Variants in SERTM1 observed in about 807,000 individuals in gnomAD.
SERTM1 encodes serine rich and transmembrane domain containing 1.
In SERTM1, 1 loss-of-function variant was observed where a neutral mutation model predicts 5.5. That is an observed-to-expected ratio of 0.18 (90% CI 0.06 to 0.86). The LOEUF is 0.86. Ranked by LOEUF, SERTM1 falls within the 40% of genes least tolerant of loss-of-function variation. SERTM1 has a pLI of 0.69. For missense variants in SERTM1, 91 were observed against 122.4 expected, an observed-to-expected ratio of 0.74 and a Z score of 1.21; for synonymous variants, 52 against 55.1, an observed-to-expected ratio of 0.94 and a Z score of 0.25.
intron 1 of SERTM1, among the ~76,000 whole-genome samples, chr13:36,678,951 T>G (rs776762884): frequency 1.3e-5 from 2 of 152,114 alleles, no homozygotes; most frequent in Admixed American, 6.5e-5. Context: ...AAATAGTTCA[T>G]GCAACAAGCA....
intron 1 of SERTM1, among the ~76,000 whole-genome samples, chr13:36,678,338 G>A (rs750071150): frequency 2.0e-5 from 3 of 152,042 alleles, no homozygotes; most frequent in Non-Finnish European, 4.4e-5. Flanking sequence ...AAATATATGT[G>A]TGTATAATAG....
chr13:36,682,822 T>A (rs1365222966), intron 1 of SERTM1, among the ~76,000 whole-genome samples: 1 of 152,220 alleles, frequency 6.6e-6, no homozygotes, highest in African/African-American at 2.4e-5. Context: ...CCCCTTCCTG[T>A]ACATTGTTAA....
chr13:36,677,809 C>A (rs1423562283), intron 1 of SERTM1, among the ~76,000 whole-genome samples: 1 of 152,116 alleles, frequency 6.6e-6, no homozygotes, highest in Non-Finnish European at 1.5e-5. Flanking sequence ...CTGGCTTGGT[C>A]CTTATTCACC....
chr13:36,681,835 G>A (rs2056707126), intron 1 of SERTM1, among the ~76,000 whole-genome samples: 1 of 152,140 alleles, frequency 6.6e-6, no homozygotes, highest in Admixed American at 6.5e-5. Context: ...CAACCCTCCA[G>A]CTTGTTCACA....
At chr13:36,674,867 A>G (rs2056660160) in intron 1 of SERTM1, among the ~76,000 whole-genome samples, 1 of 152,102 alleles carries the variant, frequency 6.6e-6, no homozygotes, top group Admixed American at 6.5e-5. Context: ...CCGGAAACCC[A>G]GTAGGTAACT....
intron 1 of SERTM1, among the ~76,000 whole-genome samples, chr13:36,678,467 T>A (rs1285939157): frequency 6.6e-6 from 1 of 151,084 alleles, no homozygotes. Context: ...GAAAATACGG[T>A]CCTTTTTCAC....
At chr13:36,686,940 C>G (rs2056745353) in intron 1 of SERTM1, among the ~76,000 whole-genome samples, 1 of 152,162 alleles carries the variant, frequency 6.6e-6, no homozygotes, top group Non-Finnish European at 1.5e-5. Flanking sequence ...AAAACTTAGC[C>G]TGCCTAAGCT....
chr13:36,692,846 CTT>C (rs902093032), intron 1 of SERTM1, among the ~76,000 whole-genome samples: 2 of 152,212 alleles, frequency 1.3e-5, no homozygotes, highest in Non-Finnish European at 2.9e-5. Context: ...ATTCTAGTCA[CTT>C]TTCTGTCACT....
rs1218597738 is a variant in SERTM1 at position 36,696,646 on chromosome 13, C to T, written c.*1244C>T. ...GGGGCTGTCTGTGAAATTAGGCACA[C>T]ATGTGAGCTCAGACATGGAATGTGG... On this transcript the variant is annotated 3_prime_UTR_variant, in exon 2 of 2. Transcript: ENST00000315190. 1.2e-5 allele frequency: 2 copies of T among 166,788 alleles called. No homozygotes were observed. Among genetic ancestry groups the T allele is most frequent in the Non-Finnish European group, 2.9e-5 (2 of 68,110 alleles). The allele number at this position is 166,788 out of a possible 1,614,324, so 10.3% of individuals were successfully genotyped here.
chr13:36,696,832 CA>C lies in SERTM1; in HGVS notation c.*1432del, dbSNP rs2056817545. 1.2e-5 allele frequency: 2 copies of C among 167,070 alleles called. No individual in the cohort carries two copies. The highest frequency in any genetic ancestry group is 2.1e-4 in the South Asian group (1 of 4,818). 10.3% of individuals were successfully genotyped at this position (167,070 alleles called of 1,614,324 possible). ...TCAACACGCCACGGTCTTCCCATGG[CA>C]ACTGAATCATTCCTTGTTCAAAACA... On this transcript the variant is annotated 3_prime_UTR_variant, in exon 2 of 2. Coordinates refer to ENST00000315190, the MANE Select transcript of SERTM1 (RefSeq NM_203451.3).
intron 1 of SERTM1, among the ~76,000 whole-genome samples, chr13:36,677,505 A>T (rs1337348990): frequency 6.6e-6 from 1 of 152,214 alleles, no homozygotes. Flanking sequence ...GGTCTGGAAA[A>T]TGTAAGCCTC....
chr13:36,685,911 C>G (rs2056737989), intron 1 of SERTM1, among the ~76,000 whole-genome samples: 1 of 152,184 alleles, frequency 6.6e-6, no homozygotes, highest in Non-Finnish European at 1.5e-5. Context: ...TGGGTTCTCC[C>G]TGATCTTCTC....
chr13:36,684,275 C>T (rs111319817), intron 1 of SERTM1, among the ~76,000 whole-genome samples: 16,419 of 151,486 alleles, frequency 0.11, 1,172 homozygotes, highest in Non-Finnish European at 0.16. Flanking sequence ...CCAGCCTGGG[C>T]GACAGAGCGA....
intron 1 of SERTM1, among the ~76,000 whole-genome samples, chr13:36,691,116 G>A (rs1427109575): frequency 6.6e-6 from 1 of 152,226 alleles, no homozygotes; most frequent in Non-Finnish European, 1.5e-5. Context: ...TGTCATAGAA[G>A]TCAAGGATGT....
At position 36,695,810 on chromosome 13, in the gene SERTM1, C is replaced by A; in HGVS notation, c.*408C>A. The stretch of plus-strand genomic sequence containing the variant: ...AGAAACTGGCAAAATCAAGTCTGAC[C>A]TATGTAGAAGTTATTTTCCATATTT... On this transcript the variant is annotated 3_prime_UTR_variant, in exon 2 of 2. Coordinates refer to ENST00000315190, the MANE Select transcript of SERTM1 (RefSeq NM_203451.3). 5.4e-6 allele frequency: 1 copy of A among 185,320 alleles called. No homozygotes were observed. The allele number at this position is 185,320 out of a possible 1,614,324, so 11.5% of individuals were successfully genotyped here. A position where few individuals can be genotyped will look rare whatever the true frequency, so the allele number is the denominator to read the frequency against.
chr13:36,689,192 A>T (rs928603366), intron 1 of SERTM1, among the ~76,000 whole-genome samples: 10 of 152,154 alleles, frequency 6.6e-5, no homozygotes, highest in African/African-American at 2.4e-4. Flanking sequence ...GGATGTAAAC[A>T]TACTAAAAAA....
At chr13:36,694,454 A>C (rs2056799729) in intron 1 of SERTM1, among the ~76,000 whole-genome samples, 1 of 152,240 alleles carries the variant, frequency 6.6e-6, no homozygotes, top group Non-Finnish European at 1.5e-5. Context: ...GATAAAAAGC[A>C]AACTCACATG....
intron 1 of SERTM1, among the ~76,000 whole-genome samples, chr13:36,690,784 G>A (rs552740492): frequency 5.3e-5 from 8 of 152,240 alleles, no homozygotes; most frequent in South Asian, 2.1e-4. Context: ...TTCCTTTTGT[G>A]TACTGGAAAA....
At chr13:36,693,503 T>C (rs1488802152) in intron 1 of SERTM1, among the ~76,000 whole-genome samples, 2 of 151,910 alleles carry the variant, frequency 1.3e-5, no homozygotes, top group African/African-American at 4.8e-5. Flanking sequence ...TTTTAGGAAC[T>C]ACTAAGACAC....
Sources: gnomAD v4.1 joint callset for allele counts (sites outside exome capture counted in the v4.1 genomes callset) on GRCh38, gnomAD v4.1.1 for gene constraint, MANE v1.5 for transcripts, NCBI Gene and HGNC (gene_info 2026-07-23, HGNC 2026-07-21) for gene names.